Variants in FRMPD1 observed in about 807,000 individuals in gnomAD.
The protein encoded by FRMPD1 is FERM and PDZ domain-containing protein 1.
FRMPD1 carries 76 observed loss-of-function variants against 117.8 expected under a neutral mutation model. The ratio of observed to expected loss-of-function variants is 0.65; its 90% CI spans 0.54 to 0.78. The LOEUF (loss-of-function observed/expected upper bound fraction) is 0.78, where lower values mean the gene tolerates loss of function less well. Among genes scored for constraint, FRMPD1 ranks in the 30% least tolerant of loss-of-function variants. FRMPD1 has a pLI of 0.00. For missense variants in FRMPD1, 1,786 were observed against 1,964.5 expected (o/e 0.91, Z 1.72); for synonymous variants, 783 against 770.4 (o/e 1.02, Z -0.27).
Position 37,744,910 on chromosome 9 carries a change from C to T in FRMPD1, c.2878C>T (p.Pro960Ser). 6.2e-7 allele frequency: 1 copy of T among 1,614,164 alleles called. No individual in the cohort carries two copies. Among genetic ancestry groups the T allele is most frequent in the Admixed American group, 1.7e-5 (1 of 60,034 alleles). The change falls in exon 16 of 16, where the codon CCT becomes TCT. Residue 960 changes from proline to serine, a missense_variant. By Grantham distance (74) the Pro-to-Ser change is moderately conservative. Coordinates refer to ENST00000377765, the MANE Select transcript of FRMPD1 (RefSeq NM_014907.3). ...PNNKENSGVV[P>S]AASSSASTPH... The stretch of plus-strand genomic sequence containing the variant: ...CAATAAAGAGAATTCTGGTGTTGTC[C>T]CTGCTGCCAGCTCCTCAGCAAGCAC...
intron 1 of FRMPD1, among the ~76,000 whole-genome samples, chr9:37,666,669 G>T (rs1207928705): frequency 1.3e-5 from 2 of 152,058 alleles, no homozygotes; most frequent in Non-Finnish European, 2.9e-5. Context: ...AAACTCCCAG[G>T]TGTTCTACTA....
chr9:37,636,845 G>C, the FRMPD1 span: 653 of 1,611,054 alleles, frequency 4.1e-4, no homozygotes, highest in African/African-American at 8.1e-3. Context: ...CTTGGCACTC[G>C]TCTCCAAGAA....
In FRMPD1 at chr9:37,744,198, A is replaced by T. The variant is rs572882329; in HGVS notation, c.2357-191A>T. Among the ~76,000 whole-genome samples the T allele has an allele frequency of 1.7e-4, 26 of 151,374 alleles. No homozygotes were observed. The South Asian group carries it at 3.8e-3, about 22-fold the overall frequency. On this transcript the variant is annotated intron_variant, in intron 15 of 15. Coordinates refer to ENST00000377765, the MANE Select transcript of FRMPD1 (RefSeq NM_014907.3). ...GAAAGAGACTCCGTCTCAAAAAAAT[A>T]AAAAAAAATCTGTCACAATTATTAT...
chr9:37,744,416 C>T lies in FRMPD1; in HGVS notation c.2384C>T (p.Pro795Leu). ...SGPRDVSTAE[P>L]SATSLQNKAS... The stretch of plus-strand genomic sequence containing the variant: ...CCCAGAGATGTTTCTACTGCAGAAC[C>T]CAGTGCCACAAGCTTGCAGAATAAG... The change falls in exon 16 of 16, where the codon CCC (proline) becomes CTC (leucine). Residue 795 changes from proline (P) to leucine (L), a missense_variant. Transcript: ENST00000377765. 6.2e-7 allele frequency: 1 copy of T among 1,609,870 alleles called. No homozygotes were observed. Among genetic ancestry groups the T allele is most frequent in the Non-Finnish European group, 8.5e-7 (1 of 1,177,846 alleles).
chr9:37,699,805 T>C (rs1822468853), intron 2 of FRMPD1, among the ~76,000 whole-genome samples: 1 of 152,152 alleles, frequency 6.6e-6, no homozygotes, highest in South Asian at 2.1e-4. Context: ...TACATGCATG[T>C]CTACACACAC....
At chr9:37,738,755 T>C (rs1563960398) in intron 14 of FRMPD1, among the ~76,000 whole-genome samples, 1 of 152,102 alleles carries the variant, frequency 6.6e-6, no homozygotes, top group South Asian at 2.1e-4. Context: ...TGGGGGGGAC[T>C]GCTGCTGCCT....
At chr9:37,739,259 C>T (rs1824272600) in intron 14 of FRMPD1, among the ~76,000 whole-genome samples, 1 of 152,068 alleles carries the variant, frequency 6.6e-6, no homozygotes, top group Non-Finnish European at 1.5e-5. Context: ...GGCGCCATGG[C>T]CATCCTGTGA....
chr9:37,684,010 CAG>C (rs929076238), intron 1 of FRMPD1, among the ~76,000 whole-genome samples: 4 of 147,296 alleles, frequency 2.7e-5, no homozygotes, highest in Non-Finnish European at 5.9e-5. Flanking sequence ...TACAGTTCTG[CAG>C]AGTGTTGTGT....
At chr9:37,718,848 A>G (rs1226786782) in intron 5 of FRMPD1, among the ~76,000 whole-genome samples, 1 of 152,228 alleles carries the variant, frequency 6.6e-6, no homozygotes, top group Non-Finnish European at 1.5e-5. Context: ...TTTTGCTACC[A>G]TGTTGAATGT....
rs1038455260 is a variant in FRMPD1 at position 37,745,971 on chromosome 9, C to G, written c.3939C>G (p.Ala1313=). 3 of 1,614,212 alleles carry G rather than the reference C, an allele frequency of 1.9e-6. No individual in the cohort carries two copies. In the African/African-American group the frequency reaches 4.0e-5, roughly 22 times the overall value. Residue 1313 remains alanine (A), a synonymous_variant, in exon 16 of 16, where the codon GCC becomes GCG. Transcript: ENST00000377765. ...AAGTCTCTGCCAGTCTCAGGGTGGCCACATCTTTGGGTTTTGCAGGCATGA... is the reference window on the plus strand; with the variant it reads ...AAGTCTCTGCCAGTCTCAGGGTGGCGACATCTTTGGGTTTTGCAGGCATGA... ...HPEVSASLRV[A]TSLGFAGMNE... is the part of the protein sequence containing the mutation.
At chr9:37,683,011 A>G (rs1278520817) in intron 1 of FRMPD1, among the ~76,000 whole-genome samples, 1 of 152,232 alleles carries the variant, frequency 6.6e-6, no homozygotes, top group East Asian at 1.9e-4. Context: ...TTAAAAAGAC[A>G]TCTCTTACCC....
intron 6 of FRMPD1, among the ~76,000 whole-genome samples, chr9:37,722,335 G>A (rs1476311090): frequency 6.6e-6 from 1 of 151,758 alleles, no homozygotes. Flanking sequence ...AGATGATTGT[G>A]AGTCTTGCTT....
At chr9:37,671,622 C>T (rs1406339540) in intron 1 of FRMPD1, among the ~76,000 whole-genome samples, 1 of 152,054 alleles carries the variant, frequency 6.6e-6, no homozygotes, top group Non-Finnish European at 1.5e-5. Flanking sequence ...GCACCGACCC[C>T]GAGTAGAGGT....
chr9:37,675,883 G>A (rs1821511674), intron 1 of FRMPD1, among the ~76,000 whole-genome samples: 1 of 152,208 alleles, frequency 6.6e-6, no homozygotes, highest in South Asian at 2.1e-4. Context: ...ACTGGTGTGT[G>A]TTCACCTGTC....
chr9:37,634,189 C>T, the FRMPD1 span, among the ~76,000 whole-genome samples: 1 of 152,294 alleles, frequency 6.6e-6, no homozygotes, highest in Non-Finnish European at 1.5e-5. Context: ...ACTGTCTCCC[C>T]ACTTCCCACC....
Position 37,740,237 on chromosome 9 carries a change from G to C in FRMPD1, c.1709G>C (p.Arg570Thr). ...AACAGCCCCACACCTGAGGTGGCTA[G>C]GAGGGGCCCCAGCACCTGCGGGGCC... ...PGNSPTPEVA[R>T]RGPSTCGASS... Residue 570 changes from arginine to threonine, a missense_variant, in exon 15 of 16, where the codon AGG (arginine) becomes ACG (threonine). Arg to Thr is a moderately conservative substitution (Grantham distance 71). Transcript: ENST00000377765. The surrounding 1 kb of genome is among the most constrained non-coding windows in gnomAD (Gnocchi z 4.2). The C allele has an allele frequency of 1.2e-6, 2 of 1,613,996 alleles. No homozygotes were observed. The highest frequency in any genetic ancestry group is 1.7e-6 in the Non-Finnish European group (2 of 1,179,976).
chr9:37,636,755 C>A, the FRMPD1 span: 3 of 1,602,438 alleles, frequency 1.9e-6, no homozygotes, highest in South Asian at 1.1e-5. Flanking sequence ...CCGCTCGCCC[C>A]CGGAGGCTGC....
the FRMPD1 span, among the ~76,000 whole-genome samples, chr9:37,627,587 C>T: frequency 1.3e-5 from 2 of 152,276 alleles, no homozygotes; most frequent in Non-Finnish European, 2.9e-5. Flanking sequence ...ATCCTCCTGC[C>T]TCAGCCTGCT....
the FRMPD1 span, among the ~76,000 whole-genome samples, chr9:37,622,811 T>C: frequency 5.0e-4 from 76 of 152,114 alleles, no homozygotes; most frequent in African/African-American, 1.8e-3. Flanking sequence ...GACTGACTGA[T>C]AGGAAATGAG....
Sources: allele counts gnomAD v4.1 joint callset (sites outside exome capture counted in the v4.1 genomes callset), GRCh38; gene constraint gnomAD v4.1.1; non-coding constraint Gnocchi (gnomAD v3.1); transcripts MANE v1.5; gene names NCBI Gene and HGNC (gene_info 2026-07-23, HGNC 2026-07-21).